UQCRFS1: variants seen among roughly 807,000 people sequenced by gnomAD.
UQCRFS1 encodes the protein ubiquinol-cytochrome c reductase, Rieske iron-sulfur polypeptide 1, also known as cytochrome b-c1 complex subunit Rieske, mitochondrial.
In UQCRFS1, 6 loss-of-function variants were observed where a neutral mutation model predicts 15.6. That is an observed-to-expected ratio of 0.38 (90% confidence interval 0.21 to 0.76). UQCRFS1 has a LOEUF of 0.76. UQCRFS1 is among the 30% of genes least tolerant of loss of function. The pLI is 0.44. For missense variants in UQCRFS1, 203 were observed against 366.7 expected, an observed-to-expected ratio of 0.55 and a Z score of 3.65; for synonymous variants, 105 against 154.3, an observed-to-expected ratio of 0.68 and a Z score of 2.37.
At position 29,206,637 on chromosome 19, in the gene UQCRFS1, G is replaced by T. The variant is rs1976596736; in HGVS notation, c.*911C>A. The T allele has an allele frequency of 6.6e-6, 1 of 152,230 alleles. No homozygotes were observed. Among genetic ancestry groups the T allele is most frequent in the African/African-American group, 2.4e-5 (1 of 41,452 alleles). The allele number at this position is 152,230 out of a possible 1,614,324, so 9.4% of individuals were successfully genotyped here. On this transcript the variant is annotated 3_prime_UTR_variant, in exon 2 of 2. Transcript: ENST00000304863. ...TCCACACCATCTTACAGTGAAAAGT[G>T]CTGAGTGACTGTAAACCCAACAGGA...
Position 29,207,498 on chromosome 19 carries a change from C to A in UQCRFS1, c.*50G>T. 6.6e-7 allele frequency: 1 copy of A among 1,521,256 alleles called. No individual in the cohort carries two copies. Among genetic ancestry groups the A allele is most frequent in the Non-Finnish European group, 8.8e-7 (1 of 1,134,316 alleles). The allele number at this position is 1,521,256 out of a possible 1,614,324, so 94.2% of individuals were successfully genotyped here. A position where few individuals can be genotyped will look rare whatever the true frequency, so the allele number is the denominator to read the frequency against. ...GAAGGCTTCCTCTCAAATAAGTCTCCTGAGGTGACATAAAGACTGAAAGAA... is the reference window on the plus strand; with the variant it reads ...GAAGGCTTCCTCTCAAATAAGTCTCATGAGGTGACATAAAGACTGAAAGAA... On this transcript the variant is annotated 3_prime_UTR_variant, in exon 2 of 2. Coordinates refer to ENST00000304863, the MANE Select transcript of UQCRFS1 (RefSeq NM_006003.3).
chr19:29,207,940 C>A lies in UQCRFS1; in HGVS notation c.433G>T (p.Asp145Tyr). 6.2e-7 allele frequency: 1 copy of A among 1,614,016 alleles called. No individual in the cohort carries two copies. Among genetic ancestry groups the A allele is most frequent in the East Asian group, 2.2e-5 (1 of 44,878 alleles). The change falls in exon 2 of 2, where the codon GAT becomes TAT. Residue 145 changes from aspartate to tyrosine, a missense_variant. Physicochemically the swap from Asp to Tyr is radical, Grantham distance 160. Transcript: ENST00000304863. Reference protein sequence around the residue: ...QFVSSMSASADVLALAKIEIK... With the variant: ...QFVSSMSASAYVLALAKIEIK... ...TCGATTTTCGCCAGGGCCAACACAT[C>A]AGCAGAAGCACTCATGCTGGAAACG...
In UQCRFS1 at chr19:29,207,379, C is replaced by T; in HGVS notation, c.*169G>A. On this transcript the variant is annotated 3_prime_UTR_variant, in exon 2 of 2. Coordinates refer to ENST00000304863, the MANE Select transcript of UQCRFS1 (RefSeq NM_006003.3). ...AACAGTGTCTTTATTAAGTGAATGCCTGAAAGTATTCAACATTAAATTCAA... is the reference window on the plus strand; with the variant it reads ...AACAGTGTCTTTATTAAGTGAATGCTTGAAAGTATTCAACATTAAATTCAA... The T allele has an allele frequency of 1.1e-6, 1 of 887,174 alleles. No individual in the cohort carries two copies. Among genetic ancestry groups the T allele is most frequent in the Non-Finnish European group, 1.7e-6 (1 of 596,210 alleles). 55.0% of individuals were successfully genotyped at this position (887,174 alleles called of 1,614,324 possible).
At chr19:29,211,900 CTG>C (rs1342977046) in intron 1 of UQCRFS1, among the ~76,000 whole-genome samples, 3 of 152,180 alleles carry the variant, frequency 2.0e-5, no homozygotes, top group Admixed American at 1.3e-4. Flanking sequence ...CTGGTAAAGA[CTG>C]TGACAAACTG....
chr19:29,208,605 C>A (rs1274917041), intron 1 of UQCRFS1, among the ~76,000 whole-genome samples: 1 of 152,198 alleles, frequency 6.6e-6, no homozygotes, highest in African/African-American at 2.4e-5. Context: ...CTCATCTAGT[C>A]CACACAGTAA....
At chr19:29,212,165 A>C (rs1191423125) in intron 1 of UQCRFS1, among the ~76,000 whole-genome samples, 2 of 152,322 alleles carry the variant, frequency 1.3e-5, no homozygotes, top group East Asian at 3.9e-4. Context: ...CTAAGGACAG[A>C]GGGTGTGGAA....
Position 29,205,520 on chromosome 19 carries a change from T to C in UQCRFS1, c.*2028A>G, listed in dbSNP as rs1976584736. On this transcript the variant is annotated 3_prime_UTR_variant, in exon 2 of 2. Transcript: ENST00000304863. ...ACCAAAGAAAATTTGATGTTATCTT[T>C]AACAAATAATGCAACATTTTCAAAA... is the stretch of plus-strand genomic sequence containing the variant. The C allele has an allele frequency of 1.3e-5, 2 of 152,218 alleles. No individual in the cohort carries two copies. Among genetic ancestry groups the C allele is most frequent in the Non-Finnish European group, 1.5e-5 (1 of 68,040 alleles). The allele number at this position is 152,218 out of a possible 1,614,324, so 9.4% of individuals were successfully genotyped here.
chr19:29,205,541 CA>C lies in UQCRFS1; in HGVS notation c.*2006del, dbSNP rs1194119587. ...TCTTTAACAAATAATGCAACATTTTCAAAAAGGCCATTTTTATAACACTTTT... is the reference window on the plus strand; with the variant it reads ...TCTTTAACAAATAATGCAACATTTTCAAAAGGCCATTTTTATAACACTTTT... On this transcript the variant is annotated 3_prime_UTR_variant, in exon 2 of 2. Coordinates refer to ENST00000304863, the MANE Select transcript of UQCRFS1 (RefSeq NM_006003.3). The C allele has an allele frequency of 6.6e-6, 1 of 152,128 alleles. No homozygotes were observed. The highest frequency in any genetic ancestry group is 1.5e-5 in the Non-Finnish European group (1 of 68,004). 9.4% of individuals were successfully genotyped at this position (152,128 alleles called of 1,614,324 possible). A position where few individuals can be genotyped will look rare whatever the true frequency, so the allele number is the denominator to read the frequency against.
chr19:29,212,890 C>A lies in UQCRFS1; in HGVS notation c.214+15G>T. 2 of 1,426,432 alleles carry A rather than the reference C, an allele frequency of 1.4e-6. No homozygotes were observed. Among genetic ancestry groups the A allele is most frequent in the South Asian group, 1.4e-5 (1 of 69,088 alleles). The allele number at this position is 1,426,432 out of a possible 1,614,324, so 88.4% of individuals were successfully genotyped here. A position where few individuals can be genotyped will look rare whatever the true frequency, so the allele number is the denominator to read the frequency against. ...GAGACCCCCAGCCCTGCTCGCGGCC[C>A]TCGCCCCGGCTCACCATTGAGGCCC... On this transcript the variant is annotated intron_variant, in intron 1 of 1. Coordinates refer to ENST00000304863, the MANE Select transcript of UQCRFS1 (RefSeq NM_006003.3).
chr19:29,208,157 G>A lies in UQCRFS1; in HGVS notation c.216C>T (p.Val72=), dbSNP rs569621301. The A allele has an allele frequency of 6.2e-7, 1 of 1,603,574 alleles. No homozygotes were observed. Among genetic ancestry groups the A allele is most frequent in the South Asian group, 1.1e-5 (1 of 89,516 alleles). The stretch of plus-strand genomic sequence containing the variant: ...TGTGGGAATAACAAACAGAAGCAGG[G>A]ACTGCAAGACAAACAGAAGGTTAAA... The part of the protein sequence containing the change: ...RPLVASVGLN[V]PASVCYSHTD... Residue 72 remains valine (V), a splice_region_variant and synonymous_variant, in exon 2 of 2, where the codon GTC becomes GTT. Coordinates refer to ENST00000304863, the MANE Select transcript of UQCRFS1 (RefSeq NM_006003.3).
chr19:29,211,691 C>T, intron 1 of UQCRFS1, among the ~76,000 whole-genome samples: 1 of 152,126 alleles, frequency 6.6e-6, no homozygotes, highest in African/African-American at 2.4e-5. Context: ...TGATCCTTAA[C>T]TGAGATTGAA....
intron 1 of UQCRFS1, among the ~76,000 whole-genome samples, chr19:29,211,979 A>G (rs576984633): frequency 6.6e-6 from 1 of 152,348 alleles, no homozygotes; most frequent in Admixed American, 6.5e-5. Flanking sequence ...TTTCCCAAGT[A>G]GAAACTAGAT....
intron 1 of UQCRFS1, among the ~76,000 whole-genome samples, chr19:29,209,222 T>G (rs1568345002): frequency 6.6e-6 from 1 of 152,216 alleles, no homozygotes; most frequent in Non-Finnish European, 1.5e-5. Context: ...GCAAACCTCT[T>G]TGCAAATTGT....
Position 29,207,416 on chromosome 19 carries a change from T to A in UQCRFS1, c.*132A>T. Reference sequence around the variant, plus strand: ...AACATTAAATTCAATTTATTTCACATTAATGTTTGCAAATACATCATCAAT... The same window carrying A: ...AACATTAAATTCAATTTATTTCACAATAATGTTTGCAAATACATCATCAAT... On this transcript the variant is annotated 3_prime_UTR_variant, in exon 2 of 2. Transcript: ENST00000304863. 1 of 1,116,344 alleles carries A rather than the reference T, an allele frequency of 9.0e-7. No homozygotes were observed. 69.2% of individuals were successfully genotyped at this position (1,116,344 alleles called of 1,614,324 possible). A position where few individuals can be genotyped will look rare whatever the true frequency, so the allele number is the denominator to read the frequency against.
At chr19:29,209,813 T>A (rs1976626288) in intron 1 of UQCRFS1, among the ~76,000 whole-genome samples, 1 of 152,130 alleles carries the variant, frequency 6.6e-6, no homozygotes, top group Non-Finnish European at 1.5e-5. Flanking sequence ...TCCACAACCC[T>A]TAACAGTATA....
In UQCRFS1 at chr19:29,212,962, C is replaced by G; in HGVS notation, c.157G>C (p.Glu53Gln). 7.1e-7 allele frequency: 1 copy of G among 1,401,284 alleles called. No homozygotes were observed. Among genetic ancestry groups the G allele is most frequent in the Non-Finnish European group, 9.2e-7 (1 of 1,090,654 alleles). 86.8% of individuals were successfully genotyped at this position (1,401,284 alleles called of 1,614,324 possible). ...CGCACGGCCTGGCCGCTCAGCGACT[C>G]CCGGCTGAGGAAGGGCCGCTTCAGG... is the stretch of plus-strand genomic sequence containing the variant. ...LDLKRPFLSR[E>Q]SLSGQAVRRP... Residue 53 changes from glutamate (E) to glutamine (Q), a missense_variant, in exon 1 of 2, where the codon GAG (glutamate) becomes CAG (glutamine). By Grantham distance (29) the Glu-to-Gln change is conservative. Around this residue, in one of 3 missense-constraint regions of UQCRFS1, gnomAD observed 92 missense variants for 120.5 expected, o/e 0.76. Transcript: ENST00000304863.
At chr19:29,210,363 A>ATTT (rs36011842) in intron 1 of UQCRFS1, among the ~76,000 whole-genome samples, 1 of 150,696 alleles carries the variant, frequency 6.6e-6, no homozygotes, top group Non-Finnish European at 1.5e-5. Flanking sequence ...TAAACCTCCA[A>ATTT]TTTTTTTTTT....
rs1489906312 is a variant in UQCRFS1, at chr19:29,206,336, A to G, written c.*1212T>C. 6.6e-6 allele frequency: 1 copy of G among 152,216 alleles called. No individual in the cohort carries two copies. Among genetic ancestry groups the G allele is most frequent in the Non-Finnish European group, 1.5e-5 (1 of 68,038 alleles). The allele number at this position is 152,216 out of a possible 1,614,324, so 9.4% of individuals were successfully genotyped here. On this transcript the variant is annotated 3_prime_UTR_variant, in exon 2 of 2. Transcript: ENST00000304863. ...TGTCAACACCTAGCTATTAACATCA[A>G]AGGCTGGAATCCTGGATGGTCAGTT...
chr19:29,212,902 C>T lies in UQCRFS1; in HGVS notation c.214+3G>A. 1 of 1,429,744 alleles carries T rather than the reference C, an allele frequency of 7.0e-7. No homozygotes were observed. The highest frequency in any genetic ancestry group is 9.1e-7 in the Non-Finnish European group (1 of 1,103,072). The allele number at this position is 1,429,744 out of a possible 1,614,324, so 88.6% of individuals were successfully genotyped here. On this transcript the variant is annotated splice_donor_region_variant and intron_variant, in intron 1 of 1. Coordinates refer to ENST00000304863, the MANE Select transcript of UQCRFS1 (RefSeq NM_006003.3). ...CCTGCTCGCGGCCCTCGCCCCGGCTCACCATTGAGGCCCACGGAGGCGACC... is the reference window on the plus strand; with the variant it reads ...CCTGCTCGCGGCCCTCGCCCCGGCTTACCATTGAGGCCCACGGAGGCGACC...
Sources: allele counts gnomAD v4.1 joint callset (sites outside exome capture counted in the v4.1 genomes callset), GRCh38; gene constraint gnomAD v4.1.1; regional missense constraint gnomAD v4.1.1; transcripts MANE v1.5; gene names NCBI Gene and HGNC (gene_info 2026-07-23, HGNC 2026-07-21).